Variants in PPP1R1C observed in about 807,000 individuals in gnomAD.
PPP1R1C encodes the protein protein phosphatase 1 regulatory subunit 1C.
PPP1R1C carries 15 observed loss-of-function variants against 17.4 expected under a neutral mutation model. The ratio of observed to expected loss-of-function variants is 0.86; its 90% CI spans 0.58 to 1.33. PPP1R1C has a LOEUF of 1.33. PPP1R1C is among the 40% of genes most tolerant of loss of function. PPP1R1C has a pLI of 0.00. For synonymous variants in PPP1R1C, 35 were observed against 43.1 expected, an observed-to-expected ratio of 0.81 and a Z score of 0.73; for missense variants, 143 against 130.0, an observed-to-expected ratio of 1.10 and a Z score of -0.48.
intron 1 of PPP1R1C, among the ~76,000 whole-genome samples, chr2:181,974,850 GT>G (rs1449448440): frequency 1.3e-5 from 2 of 152,172 alleles, no homozygotes; most frequent in African/African-American, 2.4e-5. Context: ...CCTGAACATC[GT>G]TTAAAAGGTT....
At chr2:181,973,149 G>A (rs1159863347) in intron 1 of PPP1R1C, among the ~76,000 whole-genome samples, 1 of 152,062 alleles carries the variant, frequency 6.6e-6, no homozygotes, top group Non-Finnish European at 1.5e-5. Flanking sequence ...TTGACTCATA[G>A]GCCAGACCAG....
At chr2:182,058,713 G>A (rs1372217073) in intron 2 of PPP1R1C, among the ~76,000 whole-genome samples, 1 of 152,082 alleles carries the variant, frequency 6.6e-6, no homozygotes, top group Non-Finnish European at 1.5e-5. Context: ...ACAAATGGAA[G>A]AAACAGTATT....
At chr2:182,066,440 A>T (rs1687985800) in intron 4 of PPP1R1C, among the ~76,000 whole-genome samples, 1 of 152,154 alleles carries the variant, frequency 6.6e-6, no homozygotes, top group South Asian at 2.1e-4. Flanking sequence ...TGTATGAAAC[A>T]AAACACAGCT....
intron 4 of PPP1R1C, among the ~76,000 whole-genome samples, chr2:182,089,674 G>C (rs138075777): frequency 1.3e-5 from 2 of 151,952 alleles, no homozygotes; most frequent in Non-Finnish European, 2.9e-5. Context: ...TTAAAACAAC[G>C]ATATTCAAAG....
At chr2:181,973,444 A>G (rs28402208) in intron 1 of PPP1R1C, among the ~76,000 whole-genome samples, 4,649 of 152,282 alleles carry the variant, frequency 0.031, 256 homozygotes, top group African/African-American at 0.11. Flanking sequence ...TTTATAAAGA[A>G]CTTATTTTTG....
chr2:182,107,789 A>C (rs1226929034), intron 4 of PPP1R1C, among the ~76,000 whole-genome samples: 1 of 151,922 alleles, frequency 6.6e-6, no homozygotes, highest in Non-Finnish European at 1.5e-5. Flanking sequence ...CTTGCTTTCT[A>C]CTTTGAGAAA....
At chr2:182,035,706 C>T (rs114175270) in intron 2 of PPP1R1C, among the ~76,000 whole-genome samples, 310 of 152,244 alleles carry the variant, frequency 2.0e-3, no homozygotes, top group African/African-American at 7.2e-3. Flanking sequence ...ACTTGCTACC[C>T]CTTTGCCTTC....
chr2:182,006,618 T>C (rs2125152605), intron 2 of PPP1R1C, among the ~76,000 whole-genome samples: 1 of 152,314 alleles, frequency 6.6e-6, no homozygotes, highest in Non-Finnish European at 1.5e-5. Flanking sequence ...GCTGGTCTGT[T>C]CCTTTTTAAC....
Position 181,962,057 on chromosome 2 carries a change from A to G in PPP1R1C, n.111+7423A>G, listed in dbSNP as rs935444031. The G allele has an allele frequency of 1.2e-5, 9 of 723,780 alleles. No homozygotes were observed. The highest frequency in any genetic ancestry group is 2.0e-5 in the Non-Finnish European group (8 of 391,260). 44.8% of individuals were successfully genotyped at this position (723,780 alleles called of 1,614,324 possible). A position where few individuals can be genotyped will look rare whatever the true frequency, so the allele number is the denominator to read the frequency against. Reference sequence around the variant, plus strand: ...GCCGGCATTGTCCACAGTATTTGCGAAGATCTGAACCCTCAGGTCCTCGAT... The same window carrying G: ...GCCGGCATTGTCCACAGTATTTGCGGAGATCTGAACCCTCAGGTCCTCGAT... On this transcript the variant is annotated intron_variant and non_coding_transcript_variant, in intron 1 of 5. Transcript: ENST00000464264. The surrounding 1 kb of genome is among the most constrained non-coding windows in gnomAD (Gnocchi z 6.0).
chr2:182,124,327 G>GTTTT (rs1294464668), intron 5 of PPP1R1C, among the ~76,000 whole-genome samples: 6 of 83,006 alleles, frequency 7.2e-5, no homozygotes, highest in South Asian at 3.8e-4. Flanking sequence ...TTTTTTTTTT[G>GTTTT]TTTTTTTTTT....
intron 4 of PPP1R1C, among the ~76,000 whole-genome samples, chr2:182,102,538 C>T (rs1689127549): frequency 6.6e-6 from 1 of 152,056 alleles, no homozygotes; most frequent in African/African-American, 2.4e-5. Flanking sequence ...ACTAGACTAG[C>T]TGCACAATTA....
At chr2:182,028,562 T>C (rs868084961) in intron 2 of PPP1R1C, among the ~76,000 whole-genome samples, 3,083 of 151,786 alleles carry the variant, frequency 0.02, 91 homozygotes, top group African/African-American at 0.07. Context: ...TTTGATTGCA[T>C]TGTGGTCTGA....
intron 4 of PPP1R1C, among the ~76,000 whole-genome samples, chr2:182,090,495 C>A (rs1002749708): frequency 6.6e-6 from 1 of 151,996 alleles, no homozygotes; most frequent in African/African-American, 2.4e-5. Context: ...CCGGTAAAAA[C>A]CAGACAAGAA....
intron 2 of PPP1R1C, among the ~76,000 whole-genome samples, chr2:182,024,234 A>G: frequency 6.6e-6 from 1 of 152,344 alleles, no homozygotes; most frequent in South Asian, 2.1e-4. Context: ...TGTGATACAA[A>G]CAGTATTTGT....
At chr2:182,111,688 A>G (rs1256196838) in intron 4 of PPP1R1C, among the ~76,000 whole-genome samples, 1 of 151,706 alleles carries the variant, frequency 6.6e-6, no homozygotes, top group Non-Finnish European at 1.5e-5. Context: ...GTTTTATATT[A>G]TAGACTAAAT....
In PPP1R1C at chr2:182,046,835, A is replaced by T. The variant is rs1687362874; in HGVS notation, c.143-14607A>T. ...TGTACAATATATAAAGAAATATTTT[A>T]CAAGTTTACCTTTATATTCCAATAT... On this transcript the variant is annotated intron_variant, in intron 2 of 4. Transcript: ENST00000682840. 1.3e-5 allele frequency among the ~76,000 whole-genome samples: 2 copies of T among 152,326 alleles called. 1 individual carries two copies. Among genetic ancestry groups the T allele is most frequent in the South Asian group, 4.1e-4 (2 of 4,820 alleles).
At chr2:182,124,849 A>C (rs1384054997) in intron 5 of PPP1R1C, among the ~76,000 whole-genome samples, 1 of 152,134 alleles carries the variant, frequency 6.6e-6, no homozygotes, top group Admixed American at 6.6e-5. Flanking sequence ...AAACAGAGAT[A>C]ATTTGACTTC....
intron 2 of PPP1R1C, among the ~76,000 whole-genome samples, chr2:182,013,317 G>A (rs1051408175): frequency 2.6e-5 from 4 of 151,958 alleles, no homozygotes; most frequent in Non-Finnish European, 5.9e-5. Flanking sequence ...GTAAAAGTTT[G>A]CATTTTTTCC....
At chr2:181,970,189 G>A (rs1684980034) in intron 1 of PPP1R1C, among the ~76,000 whole-genome samples, 1 of 151,526 alleles carries the variant, frequency 6.6e-6, no homozygotes, top group Non-Finnish European at 1.5e-5. Flanking sequence ...TGATGCATGT[G>A]GTTGTTTATT....
Sources: allele counts gnomAD v4.1 joint callset (sites outside exome capture counted in the v4.1 genomes callset), GRCh38; gene constraint gnomAD v4.1.1; non-coding constraint Gnocchi (gnomAD v3.1); transcripts MANE v1.5; gene names NCBI Gene and HGNC (gene_info 2026-07-23, HGNC 2026-07-21).